Variants in RSL1D1 observed in about 807,000 individuals in gnomAD.
RSL1D1 encodes the protein ribosomal L1 domain-containing protein 1.
A neutral mutation model predicts 44.6 loss-of-function variants in RSL1D1; 34 were observed. The observed-to-expected ratio is 0.76, with a 90% CI of 0.58 to 1.02. RSL1D1 has a LOEUF of 1.02. Ranked by LOEUF, RSL1D1 falls within the 50% of genes least tolerant of loss-of-function variation. The probability of loss-of-function intolerance (pLI) is 0.00; values close to 1 mark genes in which losing one functional copy is unlikely to be tolerated. For synonymous variants in RSL1D1, 271 were observed against 207.4 expected, an observed-to-expected ratio of 1.31 and a Z score of -2.63; for missense variants, 767 against 568.1, an observed-to-expected ratio of 1.35 and a Z score of -3.56.
intron 7 of RSL1D1, chr16:11,841,303 C>A (rs1368710444): frequency 6.1e-6 from 1 of 163,972 alleles, no homozygotes. Context: ...GCCAGCTACT[C>A]GGGAGGCTGA....
intron 3 of RSL1D1, 22 bp from the exon 4 acceptor site, chr16:11,846,865 A>C (rs2053802668): frequency 6.4e-7 from 1 of 1,566,332 alleles, no homozygotes; most frequent in Admixed American, 1.8e-5. Context: ...AGAGAAGAAT[A>C]AAAACAAGAA....
intron 3 of RSL1D1, 33 bp from the exon 4 acceptor site, chr16:11,846,876 G>T: frequency 6.5e-7 from 1 of 1,540,816 alleles, no homozygotes; most frequent in Non-Finnish European, 8.9e-7. Flanking sequence ...AAAACAAGAA[G>T]TTAGGAATCT....
chr16:11,840,294 G>A (rs538175429), intron 7 of RSL1D1, among the ~76,000 whole-genome samples: 3 of 152,254 alleles, frequency 2.0e-5, no homozygotes, highest in Admixed American at 6.5e-5. Flanking sequence ...AGCTGGGCGC[G>A]GTGGCTCACG....
chr16:11,850,498 T>C, intron 1 of RSL1D1, 80 bp from the exon 2 acceptor site: 1 of 1,449,936 alleles, frequency 6.9e-7, no homozygotes, highest in Non-Finnish European at 9.2e-7. Flanking sequence ...CTCAATCTAA[T>C]TTAGCATTTG....
Position 11,846,606 on chromosome 16 carries a change from C to A in RSL1D1, c.534-4G>T. The stretch of plus-strand genomic sequence containing the variant: ...AAGGTTTACAGATACTGGAACTCTA[C>A]AAAATAAACACACAGGCATTCAGAA... On this transcript the variant is annotated splice_polypyrimidine_tract_variant and splice_region_variant and intron_variant, in intron 4 of 8. Coordinates refer to ENST00000571133, the MANE Select transcript of RSL1D1 (RefSeq NM_015659.3). 1 of 1,608,358 alleles carries A rather than the reference C, an allele frequency of 6.2e-7. No individual in the cohort carries two copies. The highest frequency in any genetic ancestry group is 1.3e-5 in the African/African-American group (1 of 74,820).
intron 2 of RSL1D1, 106 bp downstream of exon 2, chr16:11,850,173 T>C: frequency 1.8e-6 from 2 of 1,126,254 alleles, no homozygotes; most frequent in Non-Finnish European, 2.4e-6. Flanking sequence ...GTCAGATTTT[T>C]ATTATAAGTT....
At chr16:11,849,489 T>C (rs1158341131) in intron 2 of RSL1D1, 1 of 149,490 alleles carries the variant, frequency 6.7e-6, no homozygotes, top group Non-Finnish European at 1.5e-5. Context: ...TTACAGAAAA[T>C]AAAATACAAG....
At chr16:11,839,339 C>G (rs1307531777) in intron 8 of RSL1D1, among the ~76,000 whole-genome samples, 1 of 148,834 alleles carries the variant, frequency 6.7e-6, no homozygotes. Flanking sequence ...GCACTCTAGC[C>G]TGGGTGACAG....
chr16:11,850,420 T>C lies in RSL1D1; in HGVS notation c.106-2A>G. On this transcript the variant is annotated splice_acceptor_variant, in intron 1 of 8. Coordinates refer to ENST00000571133, the MANE Select transcript of RSL1D1 (RefSeq NM_015659.3). LOFTEE classifies it high-confidence loss of function. ...GAGAGCGTCCACTGCCTTTCTAACC[T>C]GCAAAGTGGAAATTAGACAAATAAG... is the stretch of plus-strand genomic sequence containing the variant. 1.3e-6 allele frequency: 2 copies of C among 1,589,426 alleles called. No individual in the cohort carries two copies. Among genetic ancestry groups the C allele is most frequent in the Non-Finnish European group, 1.7e-6 (2 of 1,173,820 alleles).
intron 3 of RSL1D1, among the ~76,000 whole-genome samples, chr16:11,847,416 G>C (rs1215799157): frequency 1.3e-5 from 2 of 152,026 alleles, no homozygotes; most frequent in African/African-American, 4.8e-5. Context: ...GGGTAATAAA[G>C]ACAAGTACAC....
In RSL1D1 at chr16:11,842,013, A is replaced by G; in HGVS notation, c.636-13T>C. ...AATACGTATAGCACTGAAATTTAAT[A>G]TAGTATTAGACAAGATTTTAAAAAA... On this transcript the variant is annotated splice_polypyrimidine_tract_variant and intron_variant, in intron 5 of 8. Transcript: ENST00000571133. The G allele has an allele frequency of 1.3e-6, 2 of 1,579,062 alleles. No homozygotes were observed. The highest frequency in any genetic ancestry group is 1.4e-5 in the African/African-American group (1 of 74,034).
At chr16:11,843,565 G>A (rs1380007609) in intron 5 of RSL1D1, among the ~76,000 whole-genome samples, 2 of 150,032 alleles carry the variant, frequency 1.3e-5, no homozygotes, top group African/African-American at 2.4e-5. Flanking sequence ...CAGCCGCCAT[G>A]TTCAAGAATA....
At chr16:11,845,206 A>G (rs1016556262) in intron 5 of RSL1D1, among the ~76,000 whole-genome samples, 1 of 152,058 alleles carries the variant, frequency 6.6e-6, no homozygotes, top group Non-Finnish European at 1.5e-5. Context: ...TAATCTCAAC[A>G]CTTTTGGAGG....
intron 2 of RSL1D1, among the ~76,000 whole-genome samples, chr16:11,848,451 G>C (rs1362803199): frequency 6.6e-6 from 1 of 152,180 alleles, no homozygotes; most frequent in Non-Finnish European, 1.5e-5. Context: ...TAAAAACCTA[G>C]CTTAATCAGG....
intron 2 of RSL1D1, among the ~76,000 whole-genome samples, chr16:11,848,459 A>G (rs184161366): frequency 5.1e-4 from 78 of 152,348 alleles, no homozygotes; most frequent in Non-Finnish European, 9.8e-4. Flanking sequence ...TAGCTTAATC[A>G]GGACAAGCCT....
In RSL1D1 at chr16:11,847,800, C is replaced by T. The variant is rs756270729; in HGVS notation, c.252G>A (p.Leu84=). The T allele has an allele frequency of 1.1e-5, 17 of 1,612,452 alleles. No individual in the cohort carries two copies. The East Asian group carries it at 1.1e-4, about 11-fold the overall frequency. ...PSKELRVRLT[L]PHSIRSDSED... ...CTGAATCTGATCGAATACTATGAGG[C>T]AAGGTCCTACAAAATACGTGAAAAG... is the stretch of plus-strand genomic sequence containing the variant. Residue 84 remains leucine (L), a synonymous_variant, in exon 3 of 9, where the codon TTG becomes TTA. Coordinates refer to ENST00000571133, the MANE Select transcript of RSL1D1 (RefSeq NM_015659.3).
rs191193192 is a variant in RSL1D1, at chr16:11,837,640, G to A, written c.*147C>T. ...GCTGGGATTACAGGCGTGAGCCACCGCCCCTGGACTACTTATGGAGGTTTT... is the reference window on the plus strand; with the variant it reads ...GCTGGGATTACAGGCGTGAGCCACCACCCCTGGACTACTTATGGAGGTTTT... On this transcript the variant is annotated 3_prime_UTR_variant, in exon 9 of 9. Transcript: ENST00000571133. 1.8e-4 allele frequency: 132 copies of A among 716,148 alleles called. 1 individual carries two copies. In the Middle Eastern group the frequency reaches 2.1e-3, roughly 11 times the overall value. The allele number at this position is 716,148 out of a possible 1,614,324, so 44.4% of individuals were successfully genotyped here. A position where few individuals can be genotyped will look rare whatever the true frequency, so the allele number is the denominator to read the frequency against.
chr16:11,848,329 T>C (rs1375677617), intron 2 of RSL1D1, among the ~76,000 whole-genome samples: 1 of 152,118 alleles, frequency 6.6e-6, no homozygotes, highest in East Asian at 1.9e-4. Flanking sequence ...CAAATATCAA[T>C]TAACACTTGG....
chr16:11,837,941 T>C lies in RSL1D1; in HGVS notation c.1319A>G (p.Lys440Arg). Residue 440 changes from lysine (K) to arginine (R), a missense_variant, in exon 9 of 9, where the codon AAG (lysine) becomes AGG (arginine). By Grantham distance (26) the Lys-to-Arg change is conservative. Transcript: ENST00000571133. ...TTTCCCCAGCGAAGGACTTTTTTCCTTCACTGCCTCTTCTTTGATTTTTGG... is the reference window on the plus strand; with the variant it reads ...TTTCCCCAGCGAAGGACTTTTTTCCCTCACTGCCTCTTCTTTGATTTTTGG... ...KKPKIKEEAV[K>R]EKSPSLGKKD... is the part of the protein sequence containing the mutation. 1 of 1,614,130 alleles carries C rather than the reference T, an allele frequency of 6.2e-7. No individual in the cohort carries two copies. The highest frequency in any genetic ancestry group is 1.3e-5 in the African/African-American group (1 of 75,020).
Sources: allele counts gnomAD v4.1 joint callset (sites outside exome capture counted in the v4.1 genomes callset), GRCh38; gene constraint gnomAD v4.1.1; transcripts MANE v1.5; gene names NCBI Gene and HGNC (gene_info 2026-07-23, HGNC 2026-07-21).